The following ACACB variants were observed in gnomAD, a reference collection of about 807,000 sequenced individuals.
ACACB encodes acetyl-CoA carboxylase 2.
Under a neutral mutation model 278.8 loss-of-function variants are expected in ACACB, and 209 were observed. The ratio of observed to expected loss-of-function variants is 0.75; its 90% confidence interval spans 0.67 to 0.84. The LOEUF is 0.84. Among genes scored for constraint, ACACB ranks in the 40% least tolerant of loss-of-function variants. The pLI is 0.00. For missense variants in ACACB, 2,850 were observed against 3,269.0 expected (o/e 0.87, Z 3.13); for synonymous variants, 1,174 against 1,285.6 (o/e 0.91, Z 1.86).
chr12:109,172,332 T>C lies in ACACB; in HGVS notation c.1093T>C (p.Cys365Arg), dbSNP rs747346637. 2 of 1,614,178 alleles carry C rather than the reference T, an allele frequency of 1.2e-6. No individual in the cohort carries two copies. The highest frequency in any genetic ancestry group is 1.7e-6 in the Non-Finnish European group (2 of 1,180,034). ...AAACCCTAAACTTCCGGAGCTGCTG[T>C]GCAAGAATGGAGTTGCTTTCTTAGG... ...SENPKLPELL[C>R]KNGVAFLGPP... Residue 365 changes from cysteine to arginine, a missense_variant, in exon 6 of 53, where the codon TGC becomes CGC. Cys to Arg is a radical substitution (Grantham distance 180). Coordinates refer to ENST00000338432, the MANE Select transcript of ACACB (RefSeq NM_001093.4).
intron 49 of ACACB, 69 bp downstream of exon 49, chr12:109,262,538 T>G: frequency 1.1e-6 from 1 of 890,600 alleles, no homozygotes; most frequent in East Asian, 2.5e-5. Context: ...TGCTGGGGGT[T>G]TCTAGGATGT....
chr12:109,191,253 G>A (rs867108449), intron 13 of ACACB, among the ~76,000 whole-genome samples: 5 of 146,080 alleles, frequency 3.4e-5, no homozygotes, highest in South Asian at 2.1e-4. Context: ...TTGCTCTGTC[G>A]CCCAGCCTGG....
At chr12:109,169,803 A>C (rs1349222271) in intron 4 of ACACB, among the ~76,000 whole-genome samples, 1 of 152,164 alleles carries the variant, frequency 6.6e-6, no homozygotes, top group Non-Finnish European at 1.5e-5. Flanking sequence ...TAAAAGAAAA[A>C]CTGGACAAGG....
chr12:109,250,497 A>G (rs554133530), intron 41 of ACACB, among the ~76,000 whole-genome samples: 13 of 152,340 alleles, frequency 8.5e-5, no homozygotes, highest in African/African-American at 3.1e-4. Context: ...GTTTGTTTGA[A>G]TCAGGGTCCA....
chr12:109,249,036 G>T (rs565580167), intron 40 of ACACB: 2 of 152,212 alleles, frequency 1.3e-5, no homozygotes, highest in Non-Finnish European at 2.9e-5. Context: ...AAACCAAAAA[G>T]TATCTGAGAC....
Position 109,240,001 on chromosome 12 carries a change from G to T in ACACB, c.4818+16G>T. 6.2e-7 allele frequency: 1 copy of T among 1,610,866 alleles called. No homozygotes were observed. The highest frequency in any genetic ancestry group is 8.5e-7 in the Non-Finnish European group (1 of 1,178,300). On this transcript the variant is annotated intron_variant, in intron 35 of 52. Coordinates refer to ENST00000338432, the MANE Select transcript of ACACB (RefSeq NM_001093.4). ...CCCCTTCAAGGTCTCGCCTTTGCAG[G>T]GGGGCTCTCACCGGGCTCTGGGTTC...
intron 42 of ACACB, 98 bp downstream of exon 42, chr12:109,252,254 A>AACTG: frequency 2.5e-6 from 2 of 804,208 alleles, no homozygotes; most frequent in Non-Finnish European, 3.8e-6. Context: ...CTCAATATGA[A>AACTG]GCCAGTTTCA....
At chr12:109,120,877 A>G (rs530140314) in intron 1 of ACACB, among the ~76,000 whole-genome samples, 2 of 152,330 alleles carry the variant, frequency 1.3e-5, no homozygotes, top group African/African-American at 2.4e-5. Flanking sequence ...ATTTAAAGAG[A>G]TAACACACAC....
At chr12:109,204,384 C>T (rs1040223094) in intron 19 of ACACB, among the ~76,000 whole-genome samples, 2 of 149,568 alleles carry the variant, frequency 1.3e-5, no homozygotes, top group Non-Finnish European at 3.0e-5. Context: ...AAGCAATTCT[C>T]GTGCCTCAGC....
chr12:109,265,201 A>G lies in ACACB; in HGVS notation c.7034A>G (p.Gln2345Arg). ...GACCAGGTCAAGCAGGAGATCCTGC[A>G]GGCCAGCGGGGAGCTGAGTCACGTG... Reference protein sequence around the residue: ...LEDQVKQEILQASGELSHVHI... With the variant: ...LEDQVKQEILRASGELSHVHI... The change falls in exon 51 of 53, where the codon CAG (glutamine) becomes CGG (arginine). Residue 2345 changes from glutamine to arginine, a missense_variant. By Grantham distance (43) the Gln-to-Arg change is conservative. Transcript: ENST00000338432. 1 of 1,613,806 alleles carries G rather than the reference A, an allele frequency of 6.2e-7. No homozygotes were observed. Among genetic ancestry groups the G allele is most frequent in the Non-Finnish European group, 8.5e-7 (1 of 1,180,028 alleles).
At position 109,234,003 on chromosome 12, in the gene ACACB, T is replaced by C. The variant is rs2046556932; in HGVS notation, c.4305T>C (p.Asp1435=). 2 of 1,614,004 alleles carry C rather than the reference T, an allele frequency of 1.2e-6. No individual in the cohort carries two copies. Among genetic ancestry groups the C allele is most frequent in the Non-Finnish European group, 1.7e-6 (2 of 1,180,020 alleles). The change falls in exon 31 of 53, where the codon GAT becomes GAC. Residue 1435 remains aspartate, a synonymous_variant. Coordinates refer to ENST00000338432, the MANE Select transcript of ACACB (RefSeq NM_001093.4). The part of the protein sequence containing the change: ...VSIQCADHLE[D]EALVPILRTF... The stretch of plus-strand genomic sequence containing the variant: ...TCCAGTGTGCAGACCACCTGGAGGA[T>C]GAGGCACTGGTGCCGATTTTACGGA...
At chr12:109,243,458 G>A (rs567734667) in intron 37 of ACACB, among the ~76,000 whole-genome samples, 1 of 152,168 alleles carries the variant, frequency 6.6e-6, no homozygotes, top group African/African-American at 2.4e-5. Flanking sequence ...AATTAACCAG[G>A]CGTAGTGGCA....
At chr12:109,244,827 G>A (rs1265936094) in intron 37 of ACACB, among the ~76,000 whole-genome samples, 1 of 151,928 alleles carries the variant, frequency 6.6e-6, no homozygotes, top group Non-Finnish European at 1.5e-5. Flanking sequence ...TCTATCTATC[G>A]AGAGAATGGA....
Position 109,180,165 on chromosome 12 carries a change from C to T in ACACB, c.1818+78C>T, listed in dbSNP as rs11065775. The T allele has an allele frequency of 1.8e-3, 2,606 of 1,465,664 alleles. 45 individuals are homozygous for T. The African/African-American group carries it at 0.032, about 18-fold the overall frequency. 90.8% of individuals were successfully genotyped at this position (1,465,664 alleles called of 1,614,324 possible). A position where few individuals can be genotyped will look rare whatever the true frequency, so the allele number is the denominator to read the frequency against. On this transcript the variant is annotated intron_variant, in intron 11 of 52. Transcript: ENST00000338432. The stretch of plus-strand genomic sequence containing the variant: ...CATGTGCTGCTCCCATTAGTCCATC[C>T]CGCCCATCTCTTGGCCGACTGTCCC...
chr12:109,193,497 C>A lies in ACACB; in HGVS notation c.2400-151C>A. The A allele has an allele frequency of 4.8e-6, 3 of 628,666 alleles. No individual in the cohort carries two copies. The South Asian group carries it at 5.5e-5, about 11-fold the overall frequency. The allele number at this position is 628,666 out of a possible 1,614,324, so 38.9% of individuals were successfully genotyped here. A position where few individuals can be genotyped will look rare whatever the true frequency, so the allele number is the denominator to read the frequency against. On this transcript the variant is annotated intron_variant, in intron 15 of 52. Transcript: ENST00000338432. The stretch of plus-strand genomic sequence containing the variant: ...CCTCCCAAGGTGCAGGGATTACAGG[C>A]GTGAGCCATTGCGCCCAGCCCAGGC...
chr12:109,252,940 A>G (rs1317465403), intron 42 of ACACB, 75 bp from the exon 43 acceptor site: 6 of 1,381,478 alleles, frequency 4.3e-6, no homozygotes, highest in East Asian at 2.5e-5. Flanking sequence ...ATTGAGAAGC[A>G]CTGAGATGAT....
intron 37 of ACACB, among the ~76,000 whole-genome samples, chr12:109,245,291 A>C (rs757224150): frequency 1.3e-5 from 2 of 152,204 alleles, no homozygotes; most frequent in Non-Finnish European, 1.5e-5. Context: ...GATAAAGGAA[A>C]ATGAAAAAAA....
At chr12:109,187,319 A>G (rs924820134) in intron 12 of ACACB, among the ~76,000 whole-genome samples, 1 of 152,000 alleles carries the variant, frequency 6.6e-6, no homozygotes, top group African/African-American at 2.4e-5. Context: ...TAAACTTTTT[A>G]TTTTCGAAAT....
chr12:109,119,399 G>A lies in ACACB; in HGVS notation c.-10+2695G>A, dbSNP rs149508188. Among the ~76,000 whole-genome samples the A allele has an allele frequency of 4.0e-3, 612 of 151,810 alleles. 5 individuals are homozygous for A. Among genetic ancestry groups the A allele is most frequent in the Admixed American group, 8.4e-3 (128 of 15,240 alleles). On this transcript the variant is annotated intron_variant, in intron 1 of 52. Transcript: ENST00000338432. ...GAGGTCAGGAGTTTGAGACCAACCT[G>A]GCCAACATGGTGAAACCCTTTCTCT...
Sources: gnomAD v4.1 joint callset for allele counts (sites outside exome capture counted in the v4.1 genomes callset) on GRCh38, gnomAD v4.1.1 for gene constraint, MANE v1.5 for transcripts, NCBI Gene and HGNC (gene_info 2026-07-23, HGNC 2026-07-21) for gene names.